Variants in HS3ST4 observed in about 807,000 individuals in gnomAD.
HS3ST4 encodes the protein heparan sulfate glucosamine 3-O-sulfotransferase 4.
A neutral mutation model predicts 29.2 loss-of-function variants in HS3ST4; 17 were observed. The observed-to-expected ratio is 0.58, with a 90% CI of 0.40 to 0.87. The LOEUF (loss-of-function observed/expected upper bound fraction) is 0.87, where lower values mean the gene tolerates loss of function less well. HS3ST4 is among the 40% of genes least tolerant of loss of function. HS3ST4 has a pLI of 0.00. For synonymous variants in HS3ST4, 314 were observed against 285.7 expected (o/e 1.10, Z -1.00); for missense variants, 627 against 634.5 (o/e 0.99, Z 0.13).
At chr16:25,819,992 C>T (rs1236076945) in intron 1 of HS3ST4, among the ~76,000 whole-genome samples, 10 of 100,174 alleles carry the variant, frequency 1.0e-4, no homozygotes, top group African/African-American at 4.1e-4. Flanking sequence ...GCCTGGGTGA[C>T]AGAGTGATAC....
Position 26,011,541 on chromosome 16 carries a change from C to G in HS3ST4, c.735-124071C>G, listed in dbSNP as rs533581967. Among the ~76,000 whole-genome samples the G allele has an allele frequency of 6.0e-4, 91 of 152,226 alleles. 2 individuals carry two copies. In the South Asian group the frequency reaches 0.017, roughly 29 times the overall value. On this transcript the variant is annotated intron_variant, in intron 1 of 1. Transcript: ENST00000331351. The stretch of plus-strand genomic sequence containing the variant: ...TGCCACTGCATGCCAGCCTGGGTGA[C>G]AGAGCAAGACTCTGTCTCAAAAAAA...
chr16:25,873,378 T>TCATCCATCCATC (rs371356328), intron 1 of HS3ST4, among the ~76,000 whole-genome samples: 173 of 96,864 alleles, frequency 1.8e-3, no homozygotes, highest in Middle Eastern at 6.8e-3. Context: ...AGCCATCCAG[T>TCATCCATCCATC]CATCCATCCA....
intron 1 of HS3ST4, among the ~76,000 whole-genome samples, chr16:26,057,039 C>T (rs1033159524): frequency 5.9e-5 from 9 of 152,174 alleles, no homozygotes; most frequent in African/African-American, 1.7e-4. Context: ...ATCTGAAACT[C>T]TGAGTGTCAA....
At chr16:26,064,777 C>A (rs1011623945) in intron 1 of HS3ST4, among the ~76,000 whole-genome samples, 1 of 152,058 alleles carries the variant, frequency 6.6e-6, no homozygotes, top group Non-Finnish European at 1.5e-5. Flanking sequence ...GCCATCACAC[C>A]GGGCTGATTT....
chr16:26,071,868 C>G (rs747977929), intron 1 of HS3ST4, among the ~76,000 whole-genome samples: 3 of 152,264 alleles, frequency 2.0e-5, no homozygotes, highest in South Asian at 2.1e-4. Context: ...TTCTACCTGT[C>G]ATGTTAGCAT....
intron 1 of HS3ST4, among the ~76,000 whole-genome samples, chr16:26,065,732 A>G (rs1898534545): frequency 6.6e-6 from 1 of 152,244 alleles, no homozygotes; most frequent in Non-Finnish European, 1.5e-5. Context: ...AGGCAAAATG[A>G]TGTGCATGAA....
At chr16:26,017,078 G>T (rs142858636) in intron 1 of HS3ST4, among the ~76,000 whole-genome samples, 1,700 of 152,316 alleles carry the variant, frequency 0.011, 18 homozygotes, top group Admixed American at 0.018. Flanking sequence ...TGGACATGTG[G>T]CACGAACAAT....
intron 1 of HS3ST4, among the ~76,000 whole-genome samples, chr16:25,713,253 G>A (rs111782792): frequency 1.3e-5 from 2 of 152,142 alleles, no homozygotes; most frequent in African/African-American, 4.8e-5. Flanking sequence ...CCAAGGTCAG[G>A]TGTGGTGGCT....
chr16:25,925,778 G>A (rs1484031361), intron 1 of HS3ST4, among the ~76,000 whole-genome samples: 1 of 152,180 alleles, frequency 6.6e-6, no homozygotes, highest in Admixed American at 6.5e-5. Context: ...CAATGTTGCT[G>A]AGGGTGGGGT....
intron 1 of HS3ST4, among the ~76,000 whole-genome samples, chr16:26,079,900 G>A (rs1326407811): frequency 6.6e-6 from 1 of 152,132 alleles, no homozygotes; most frequent in Non-Finnish European, 1.5e-5. Context: ...CTTTCTGAGC[G>A]CAATGGTCAG....
intron 1 of HS3ST4, among the ~76,000 whole-genome samples, chr16:26,119,216 T>C (rs771777771): frequency 3.3e-5 from 5 of 152,168 alleles, no homozygotes; most frequent in Non-Finnish European, 7.3e-5. Context: ...CCCTCTCAGC[T>C]AGCATGGGCT....
Position 25,731,410 on chromosome 16 carries a change from G to A in HS3ST4, c.734+38259G>A, listed in dbSNP as rs150398269. On this transcript the variant is annotated intron_variant, in intron 1 of 1. Coordinates refer to ENST00000331351, the MANE Select transcript of HS3ST4 (RefSeq NM_006040.3). ...GGCTGGAGTGCAGTGGCACAATTAC[G>A]GTTCACTGCAGCCTCAACCTCCTGG... Among the ~76,000 whole-genome samples, 8 of 152,142 alleles carry A rather than the reference G, an allele frequency of 5.3e-5. No homozygotes were observed. The East Asian group carries it at 1.2e-3, about 22-fold the overall frequency.
At chr16:25,874,555 C>T (rs531182526) in intron 1 of HS3ST4, among the ~76,000 whole-genome samples, 4 of 152,252 alleles carry the variant, frequency 2.6e-5, no homozygotes, top group African/African-American at 7.2e-5. Flanking sequence ...ACCCATCCAT[C>T]AATTTTTCCA....
At chr16:25,830,314 T>C (rs1414934653) in intron 1 of HS3ST4, among the ~76,000 whole-genome samples, 1 of 152,250 alleles carries the variant, frequency 6.6e-6, no homozygotes, top group Non-Finnish European at 1.5e-5. Flanking sequence ...CTTTTCTTTC[T>C]TTATCCTCTT....
At chr16:25,763,385 G>T (rs1966800458) in intron 1 of HS3ST4, among the ~76,000 whole-genome samples, 1 of 152,176 alleles carries the variant, frequency 6.6e-6, no homozygotes, top group South Asian at 2.1e-4. Flanking sequence ...ACTTCTACCA[G>T]ATTATGAGAA....
intron 1 of HS3ST4, among the ~76,000 whole-genome samples, chr16:25,919,224 T>C (rs1289887485): frequency 6.6e-6 from 1 of 152,016 alleles, no homozygotes; most frequent in Non-Finnish European, 1.5e-5. Flanking sequence ...AGAGGCAAGG[T>C]CTTGCTAAGT....
At chr16:25,792,909 A>G (rs1966872628) in intron 1 of HS3ST4, among the ~76,000 whole-genome samples, 1 of 151,836 alleles carries the variant, frequency 6.6e-6, no homozygotes, top group South Asian at 2.1e-4. Context: ...TAATGGGTGC[A>G]TTAAAAGCTG....
intron 1 of HS3ST4, among the ~76,000 whole-genome samples, chr16:26,008,665 A>G (rs371539855): frequency 2.3e-4 from 35 of 152,232 alleles, no homozygotes; most frequent in African/African-American, 8.2e-4. Flanking sequence ...CTAAAAATAT[A>G]AAAAATAGCC....
At chr16:25,828,242 C>CTTTCTTTTTCTATCTTTCTT (rs1371928058) in intron 1 of HS3ST4, among the ~76,000 whole-genome samples, 93 of 75,030 alleles carry the variant, frequency 1.2e-3, no homozygotes, top group Middle Eastern at 7.1e-3. Flanking sequence ...TTCTTTCTTT[C>CTTTCTTTTTCTATCTTTCTT]TCTTTCTTTC....
Sources: gnomAD v4.1 joint callset for allele counts (sites outside exome capture counted in the v4.1 genomes callset) on GRCh38, gnomAD v4.1.1 for gene constraint, MANE v1.5 for transcripts, NCBI Gene and HGNC (gene_info 2026-07-23, HGNC 2026-07-21) for gene names.